CEP295: variants seen among roughly 807,000 people sequenced by gnomAD.
The protein encoded by CEP295 is centrosomal protein 295.
In CEP295, 190 loss-of-function variants were observed where a neutral mutation model predicts 291.6. That is an observed-to-expected ratio of 0.65 (90% CI 0.58 to 0.73). CEP295 has a LOEUF of 0.73. CEP295 is among the 30% of genes least tolerant of loss of function. The probability of loss-of-function intolerance (pLI) is 0.00; values close to 1 mark genes in which losing one functional copy is unlikely to be tolerated. For synonymous variants in CEP295, 993 were observed against 1,038.8 expected (o/e 0.96, Z 0.85); for missense variants, 2,863 against 2,949.4 (o/e 0.97, Z 0.68).
chr11:93,691,915 G>A lies in CEP295; in HGVS notation c.1430-12G>A, dbSNP rs1238338810. The A allele has an allele frequency of 1.3e-6, 2 of 1,497,742 alleles. No individual in the cohort carries two copies. Among genetic ancestry groups the A allele is most frequent in the African/African-American group, 2.8e-5 (2 of 71,588 alleles). The allele number at this position is 1,497,742 out of a possible 1,614,324, so 92.8% of individuals were successfully genotyped here. On this transcript the variant is annotated splice_polypyrimidine_tract_variant and intron_variant, in intron 11 of 29. Coordinates refer to ENST00000325212, the MANE Select transcript of CEP295 (RefSeq NM_033395.2). ...TTATTGAAACTAATTTTTGTTTGGG[G>A]CATTCCCCTAGAAATAAATGAGACT...
In CEP295 at chr11:93,700,073, C is replaced by G. The variant is rs779687256; in HGVS notation, c.5161C>G (p.Leu1721Val). The G allele has an allele frequency of 9.0e-6, 14 of 1,551,786 alleles. No homozygotes were observed. In the Admixed American group the frequency reaches 1.2e-4, roughly 13 times the overall value. Residue 1721 changes from leucine (L) to valine (V), a missense_variant, in exon 15 of 30, where the codon CTG becomes GTG. Coordinates refer to ENST00000325212, the MANE Select transcript of CEP295 (RefSeq NM_033395.2). Reference protein sequence around the residue: ...QKQLDLQREVLHYSQKAQEKL... With the variant: ...QKQLDLQREVVHYSQKAQEKL... ...ACAGTTGGATCTACAAAGAGAAGTTCTGCATTATAGCCAGAAAGCCCAGGA... is the reference window on the plus strand; with the variant it reads ...ACAGTTGGATCTACAAAGAGAAGTTGTGCATTATAGCCAGAAAGCCCAGGA...
rs1239953371 is a variant in CEP295, at chr11:93,702,539, AC to A, written c.5356del (p.Leu1786Ter). ...AGAGACTGGTTTCCTAATACACAAG[AC>A]CTAGCAGGAAATGATCAAGAAAATA... The part of the protein sequence containing the change: ...QLRDWFPNTQ[D>X]LAGNDQENIR... On this transcript the variant is annotated frameshift_variant, in exon 16 of 30. Transcript: ENST00000325212. LOFTEE classifies it high-confidence loss of function. 1.9e-6 allele frequency: 3 copies of A among 1,551,110 alleles called. No homozygotes were observed. The Admixed American group carries it at 5.9e-5, about 30-fold the overall frequency.
intron 25 of CEP295, 191 bp downstream of exon 25, chr11:93,729,012 CCCA>C: frequency 3.7e-6 from 2 of 545,854 alleles, no homozygotes; most frequent in East Asian, 6.0e-5. Context: ...TCTTTTAATC[CCCA>C]CTCCAATTTA....
intron 4 of CEP295, among the ~76,000 whole-genome samples, chr11:93,669,164 T>TA (rs1950318824): frequency 6.6e-6 from 1 of 152,108 alleles, no homozygotes; most frequent in South Asian, 2.1e-4. Flanking sequence ...TAGCAGCAGT[T>TA]ACTAAGTTTC....
intron 10 of CEP295, among the ~76,000 whole-genome samples, chr11:93,690,317 G>C (rs543330750): frequency 1.6e-4 from 24 of 152,284 alleles, no homozygotes; most frequent in Admixed American, 1.2e-3. Context: ...AACACTTTGG[G>C]AGGCCGGGGC....
Position 93,697,821 on chromosome 11 carries a change from C to T in CEP295, c.2909C>T (p.Ala970Val). 1 of 1,551,650 alleles carries T rather than the reference C, an allele frequency of 6.4e-7. No homozygotes were observed. The highest frequency in any genetic ancestry group is 1.2e-5 in the South Asian group (1 of 84,050). Reference sequence around the variant, plus strand: ...GATAGCCTTCAGGCTAGGCGAGAAGCCCAGGAAGTATTGTATGTACATAAA... The same window carrying T: ...GATAGCCTTCAGGCTAGGCGAGAAGTCCAGGAAGTATTGTATGTACATAAA... ...QKDSLQARRE[A>V]QEVLYVHKQS... Residue 970 changes from alanine to valine, a missense_variant, in exon 15 of 30, where the codon GCC becomes GTC. This residue lies in a region of CEP295 where 2,295 missense variants were observed against 2,335.7 expected (regional missense o/e 0.98). Coordinates refer to ENST00000325212, the MANE Select transcript of CEP295 (RefSeq NM_033395.2).
chr11:93,696,794 A>G lies in CEP295; in HGVS notation c.1882A>G (p.Ile628Val), dbSNP rs1951866753. 6.4e-6 allele frequency: 10 copies of G among 1,551,602 alleles called. No homozygotes were observed. Among genetic ancestry groups the G allele is most frequent in the Non-Finnish European group, 8.7e-6 (10 of 1,146,886 alleles). ...TCCATCATTGATAACTGATTCTGTT[A>G]TATCAGTGCCATCATGGAAATCTGA... is the stretch of plus-strand genomic sequence containing the variant. ...SAPSLITDSVISVPSWKSERP... is the reference protein window; with the variant it reads ...SAPSLITDSVVSVPSWKSERP... Residue 628 changes from isoleucine to valine, a missense_variant, in exon 15 of 30, where the codon ATA becomes GTA. Around this residue, in one of 3 missense-constraint regions of CEP295, gnomAD observed 2,295 missense variants for 2,335.7 expected, o/e 0.98. Transcript: ENST00000325212.
At chr11:93,702,299 G>C (rs574081609) in intron 15 of CEP295, among the ~76,000 whole-genome samples, 161 bp from the exon 16 acceptor site, 57 of 152,296 alleles carry the variant, frequency 3.7e-4, no homozygotes, top group African/African-American at 1.3e-3. Flanking sequence ...TTTGGCATTA[G>C]AAGCATATCT....
chr11:93,706,960 ATTTTG>A (rs1398949138), intron 18 of CEP295, 63 bp downstream of exon 18: 7 of 1,330,164 alleles, frequency 5.3e-6, no homozygotes, highest in Middle Eastern at 3.7e-4. Flanking sequence ...GATATTTATT[ATTTTG>A]TTATTTGTAA....
intron 15 of CEP295, among the ~76,000 whole-genome samples, chr11:93,700,471 G>C (rs1306306472): frequency 1.3e-5 from 2 of 149,888 alleles, no homozygotes; most frequent in Non-Finnish European, 3.0e-5. Context: ...TGTTGTCCAG[G>C]CTGGAGTAGA....
chr11:93,683,686 A>G lies in CEP295; in HGVS notation c.893A>G (p.Glu298Gly). ...ELPYKRSEMKEDWQRELEFAF... is the reference protein window; with the variant it reads ...ELPYKRSEMKGDWQRELEFAF... ...CCATACAAACGCAGTGAAATGAAAG[A>G]AGACTGGCAGAGAGAATTGGAATTT... is the stretch of plus-strand genomic sequence containing the variant. The change falls in exon 8 of 30, where the codon GAA (glutamate) becomes GGA (glycine). Residue 298 changes from glutamate to glycine, a missense_variant. Transcript: ENST00000325212. 6.5e-7 allele frequency: 1 copy of G among 1,549,120 alleles called. No homozygotes were observed. Among genetic ancestry groups the G allele is most frequent in the Non-Finnish European group, 8.7e-7 (1 of 1,146,420 alleles).
Position 93,723,140 on chromosome 11 carries a change from A to G in CEP295, c.6047A>G (p.Asp2016Gly). Residue 2016 changes from aspartate (D) to glycine (G), a missense_variant, in exon 21 of 30, where the codon GAT becomes GGT. Physicochemically the swap from Asp to Gly is moderately conservative, Grantham distance 94. Transcript: ENST00000325212. ...AGTTCCATAGTTCCTTCAACACAAG[A>G]TATTTATCAGCGGCAGAACTCTTCA... The part of the protein sequence containing the change: ...IISSIVPSTQ[D>G]IYQRQNSSDV... 6.4e-7 allele frequency: 1 copy of G among 1,552,090 alleles called. No homozygotes were observed.
intron 9 of CEP295, among the ~76,000 whole-genome samples, chr11:93,684,409 G>A (rs1410754150): frequency 6.6e-6 from 1 of 152,120 alleles, no homozygotes; most frequent in Admixed American, 6.5e-5. Flanking sequence ...AGGTTGCATG[G>A]TAAACATATC....
Position 93,726,965 on chromosome 11 carries a change from T to C in CEP295, c.6500-11T>C. On this transcript the variant is annotated splice_polypyrimidine_tract_variant and intron_variant, in intron 23 of 29. Transcript: ENST00000325212. ...ACGATGATTAACTGATTTTTGAATTTCTTAATGCAGGATCTGAACAATGTT... is the reference window on the plus strand; with the variant it reads ...ACGATGATTAACTGATTTTTGAATTCCTTAATGCAGGATCTGAACAATGTT... 6.7e-7 allele frequency: 1 copy of C among 1,481,896 alleles called. No individual in the cohort carries two copies. The highest frequency in any genetic ancestry group is 1.4e-5 in the African/African-American group (1 of 70,080). The allele number at this position is 1,481,896 out of a possible 1,614,324, so 91.8% of individuals were successfully genotyped here. A position where few individuals can be genotyped will look rare whatever the true frequency, so the allele number is the denominator to read the frequency against.
rs1237373470 is a variant in CEP295 at position 93,691,711 on chromosome 11, G to T, written c.1365G>T (p.Glu455Asp). The change falls in exon 11 of 30, where the codon GAG becomes GAT. Residue 455 changes from glutamate (E) to aspartate (D), a missense_variant. Around this residue, in one of 3 missense-constraint regions of CEP295, gnomAD observed 554 missense variants for 576.0 expected, o/e 0.96. Coordinates refer to ENST00000325212, the MANE Select transcript of CEP295 (RefSeq NM_033395.2). ...QVVESDTLTI[E>D]SGPLASEDKP... ...TTGAAAGTGATACACTAACAATTGAGTCTGGACCACTTGCTAGTGAAGATA... is the reference window on the plus strand; with the variant it reads ...TTGAAAGTGATACACTAACAATTGATTCTGGACCACTTGCTAGTGAAGATA... The T allele has an allele frequency of 1.3e-6, 2 of 1,545,898 alleles. No individual in the cohort carries two copies. Among genetic ancestry groups the T allele is most frequent in the South Asian group, 2.4e-5 (2 of 82,868 alleles).
intron 25 of CEP295, chr11:93,729,066 A>AGT: frequency 2.0e-6 from 1 of 509,146 alleles, no homozygotes; most frequent in Non-Finnish European, 3.5e-6. Context: ...TTATACACCT[A>AGT]GTGTTATAGT....
At chr11:93,668,245 C>T (rs2134788413) in intron 3 of CEP295, among the ~76,000 whole-genome samples, 1 of 152,246 alleles carries the variant, frequency 6.6e-6, no homozygotes, top group Non-Finnish European at 1.5e-5. Flanking sequence ...GGAAATACTA[C>T]AGTCCCAGAA....
Position 93,699,839 on chromosome 11 carries a change from C to A in CEP295, c.4927C>A (p.Pro1643Thr), listed in dbSNP as rs1349643912. Reference sequence around the variant, plus strand: ...AAGTGAATCTGCTGAGCATACTATCCCCTCTTTGTTTCTACCCAAGGAAAC... The same window carrying A: ...AAGTGAATCTGCTGAGCATACTATCACCTCTTTGTTTCTACCCAAGGAAAC... The part of the protein sequence containing the change: ...NKSESAEHTI[P>T]SLFLPKETEH... The change falls in exon 15 of 30, where the codon CCC (proline) becomes ACC (threonine). Residue 1643 changes from proline to threonine, a missense_variant. Transcript: ENST00000325212. The A allele has an allele frequency of 2.6e-6, 4 of 1,552,212 alleles. No homozygotes were observed. Among genetic ancestry groups the A allele is most frequent in the Non-Finnish European group, 3.5e-6 (4 of 1,147,102 alleles).
chr11:93,693,011 C>G (rs1951660221), intron 12 of CEP295, among the ~76,000 whole-genome samples: 1 of 150,288 alleles, frequency 6.7e-6, no homozygotes. Context: ...GGCCCGGTGG[C>G]TCACGCCTGT....
Sources: gnomAD v4.1 joint callset for allele counts (sites outside exome capture counted in the v4.1 genomes callset) on GRCh38, gnomAD v4.1.1 for gene constraint, gnomAD v4.1.1 regional missense constraint, MANE v1.5 for transcripts, NCBI Gene and HGNC (gene_info 2026-07-23, HGNC 2026-07-21) for gene names.